FMNL2: variants seen among roughly 807,000 people sequenced by gnomAD.
The protein encoded by FMNL2 is formin like 2.
FMNL2 carries 51 observed loss-of-function variants against 130.2 expected under a neutral mutation model. That is an observed-to-expected ratio of 0.39 (90% CI 0.31 to 0.49). The LOEUF is 0.49. Ranked by LOEUF, FMNL2 falls within the 20% of genes least tolerant of loss-of-function variation. The probability of loss-of-function intolerance (pLI) is 0.85; values close to 1 mark genes in which losing one functional copy is unlikely to be tolerated. For synonymous variants in FMNL2, 465 were observed against 467.1 expected, an observed-to-expected ratio of 1.00 and a Z score of 0.06; for missense variants, 977 against 1,316.2, an observed-to-expected ratio of 0.74 and a Z score of 3.99.
chr2:152,564,359 GA>G (rs935880612), intron 6 of FMNL2, among the ~76,000 whole-genome samples: 8 of 151,228 alleles, frequency 5.3e-5, no homozygotes, highest in South Asian at 2.1e-4. Flanking sequence ...AATCTTGGAA[GA>G]AAAAAAATGA....
At chr2:152,586,352 G>A (rs1697074944) in intron 9 of FMNL2, among the ~76,000 whole-genome samples, 1 of 152,150 alleles carries the variant, frequency 6.6e-6, no homozygotes, top group East Asian at 1.9e-4. Flanking sequence ...TAGCTACTGG[G>A]CATCTGAAGG....
chr2:152,470,957 A>T (rs937003299), intron 1 of FMNL2, among the ~76,000 whole-genome samples: 1 of 152,194 alleles, frequency 6.6e-6, no homozygotes, highest in Non-Finnish European at 1.5e-5. Context: ...TTAGTTTTTT[A>T]AAAAAGAATT....
intron 1 of FMNL2, chr2:152,390,192 G>A: frequency 7.4e-7 from 1 of 1,348,216 alleles, no homozygotes; most frequent in African/African-American, 1.4e-5. Context: ...GGACCTGGTG[G>A]TCCCTTTCCG....
intron 9 of FMNL2, among the ~76,000 whole-genome samples, chr2:152,593,034 A>T (rs1558991167): frequency 6.6e-6 from 1 of 152,206 alleles, no homozygotes; most frequent in Admixed American, 6.5e-5. Flanking sequence ...GGAAGGGAAG[A>T]GACCTGATTT....
chr2:152,365,553 C>G (rs944643240), intron 1 of FMNL2, among the ~76,000 whole-genome samples: 3 of 151,970 alleles, frequency 2.0e-5, no homozygotes, highest in African/African-American at 7.3e-5. Flanking sequence ...GGGAGGATCA[C>G]CTGAGGTCAG....
chr2:152,621,851 G>A (rs542509463), intron 15 of FMNL2, among the ~76,000 whole-genome samples: 2 of 152,268 alleles, frequency 1.3e-5, no homozygotes, highest in South Asian at 4.1e-4. Flanking sequence ...AAGAGACAGA[G>A]CTGAGCTAAT....
At position 152,599,240 on chromosome 2, in the gene FMNL2, A is replaced by G. The variant is rs1411353948; in HGVS notation, c.877-8099A>G. 2.6e-5 allele frequency among the ~76,000 whole-genome samples: 4 copies of G among 152,154 alleles called. No individual in the cohort carries two copies. In the East Asian group the frequency reaches 5.8e-4, roughly 22 times the overall value. On this transcript the variant is annotated intron_variant, in intron 9 of 25. Transcript: ENST00000288670. ...TTGACGCATAAAGTTAACCATTACA[A>G]GTAGCCTTGAAAGACTCTATGTGTC...
chr2:152,612,568 C>G (rs1235131226), intron 11 of FMNL2, among the ~76,000 whole-genome samples: 1 of 152,106 alleles, frequency 6.6e-6, no homozygotes, highest in Non-Finnish European at 1.5e-5. Context: ...TTTGTTTTCC[C>G]TTTTGTATAG....
intron 1 of FMNL2, among the ~76,000 whole-genome samples, chr2:152,461,963 A>C (rs1227837719): frequency 6.6e-6 from 1 of 151,734 alleles, no homozygotes; most frequent in Non-Finnish European, 1.5e-5. Context: ...ATGTGCAATC[A>C]CTGCTCACTG....
intron 1 of FMNL2, among the ~76,000 whole-genome samples, chr2:152,508,992 C>T (rs143713300): frequency 4.6e-5 from 7 of 152,206 alleles, no homozygotes; most frequent in Non-Finnish European, 8.8e-5. Context: ...TGTGCGCCCA[C>T]CCTGGAAAAT....
intron 4 of FMNL2, among the ~76,000 whole-genome samples, chr2:152,553,888 C>A (rs1404425691): frequency 2.0e-5 from 3 of 152,100 alleles, no homozygotes; most frequent in African/African-American, 7.2e-5. Flanking sequence ...CAGCTAGATT[C>A]TCCTGAGTCA....
intron 1 of FMNL2, among the ~76,000 whole-genome samples, chr2:152,513,307 G>A (rs187902802): frequency 2.2e-4 from 34 of 152,156 alleles, no homozygotes; most frequent in African/African-American, 8.2e-4. Context: ...TAGTGTGTGT[G>A]GTGAGGACTT....
intron 1 of FMNL2, among the ~76,000 whole-genome samples, chr2:152,464,980 G>A (rs1189876200): frequency 6.6e-6 from 1 of 152,130 alleles, no homozygotes; most frequent in Admixed American, 6.5e-5. Flanking sequence ...ATGTACAAAG[G>A]TTTAAAAAGA....
chr2:152,509,672 A>G (rs1049752423), intron 1 of FMNL2, among the ~76,000 whole-genome samples: 1 of 140,890 alleles, frequency 7.1e-6, no homozygotes. Context: ...GGTGAGTGGG[A>G]TGGTAGGAGA....
intron 17 of FMNL2, among the ~76,000 whole-genome samples, chr2:152,627,518 A>G (rs1323726860): frequency 1.3e-5 from 2 of 152,226 alleles, no homozygotes; most frequent in Non-Finnish European, 2.9e-5. Context: ...TGTGTCCTCA[A>G]CCAGGGTCAT....
intron 1 of FMNL2, among the ~76,000 whole-genome samples, chr2:152,512,430 G>A (rs1692538701): frequency 6.6e-6 from 1 of 152,176 alleles, no homozygotes; most frequent in African/African-American, 2.4e-5. Flanking sequence ...GATATGGGGA[G>A]TAGTAGGAAG....
chr2:152,506,848 C>CTT (rs10630545), intron 1 of FMNL2, among the ~76,000 whole-genome samples: 131,437 of 151,984 alleles, frequency 0.86, 57,208 homozygotes, highest in Admixed American at 0.93. Flanking sequence ...GAGGAAAAAA[C>CTT]TCATTTTATT....
chr2:152,448,088 A>T (rs899919580), intron 1 of FMNL2, among the ~76,000 whole-genome samples: 3 of 152,108 alleles, frequency 2.0e-5, no homozygotes, highest in Admixed American at 2.0e-4. Flanking sequence ...ATGAGTTTCC[A>T]CATGTTTTCT....
intron 2 of FMNL2, among the ~76,000 whole-genome samples, chr2:152,541,449 A>G (rs1416833652): frequency 6.6e-6 from 1 of 152,168 alleles, no homozygotes; most frequent in Admixed American, 6.5e-5. Context: ...TATAGCATCT[A>G]TATAGAAAAG....
Sources: allele counts gnomAD v4.1 joint callset (sites outside exome capture counted in the v4.1 genomes callset), GRCh38; gene constraint gnomAD v4.1.1; transcripts MANE v1.5; gene names NCBI Gene and HGNC (gene_info 2026-07-23, HGNC 2026-07-21).